The following BOC variants were observed in gnomAD, a reference collection of about 807,000 sequenced individuals.
BOC encodes brother of CDO.
In BOC, 76 loss-of-function variants were observed where a neutral mutation model predicts 112.0. That is an observed-to-expected ratio of 0.68 (90% CI 0.56 to 0.82). The LOEUF is 0.82. BOC is among the 40% of genes least tolerant of loss of function. The pLI is 0.00. For missense variants in BOC, 1,309 were observed against 1,511.7 expected, an observed-to-expected ratio of 0.87 and a Z score of 2.22; for synonymous variants, 580 against 599.8, an observed-to-expected ratio of 0.97 and a Z score of 0.48.
intron 2 of BOC, among the ~76,000 whole-genome samples, 198 bp from the exon 3 acceptor site, chr3:113,249,524 G>A (rs993033453): frequency 1.3e-5 from 2 of 152,172 alleles, no homozygotes; most frequent in African/African-American, 4.8e-5. Flanking sequence ...AAGAGCCCTA[G>A]GGGGCAACTT....
At chr3:113,265,868 G>A (rs527726588) in intron 4 of BOC, among the ~76,000 whole-genome samples, 121 of 152,368 alleles carry the variant, frequency 7.9e-4, no homozygotes, top group African/African-American at 2.7e-3. Context: ...CCATCAAGCT[G>A]GCCTTGGGCT....
chr3:113,278,062 GATGCCGGTCTTT>G lies in BOC; in HGVS notation c.1543-30_1543-19del. The stretch of plus-strand genomic sequence containing the variant: ...TAGCCCACTCGTAGCCCGAGGCTGA[GATGCCGGTCTTT>G]ATACCAGCTACCTTCTCCAGCAGGT... On this transcript the variant is annotated intron_variant, in intron 9 of 19. Transcript: ENST00000682979. This position sits in a 1 kb window ranked among gnomAD's most constrained non-coding sequence, Gnocchi z 4.2. 6.2e-7 allele frequency: 1 copy of G among 1,612,938 alleles called. No homozygotes were observed.
intron 6 of BOC, 177 bp downstream of exon 6, chr3:113,271,121 G>A (rs544596398): frequency 4.8e-5 from 42 of 875,166 alleles, no homozygotes; most frequent in African/African-American, 1.3e-4. Context: ...CCCTCTGGCC[G>A]GCCTCAGGGC....
chr3:113,260,714 GAACA>G, intron 4 of BOC, among the ~76,000 whole-genome samples: 1 of 111,814 alleles, frequency 8.9e-6, no homozygotes, highest in Non-Finnish European at 2.0e-5. Flanking sequence ...GAACAGAACA[GAACA>G]GAAAGAACAG....
chr3:113,268,983 T>C (rs1947818299), intron 5 of BOC, among the ~76,000 whole-genome samples: 1 of 152,210 alleles, frequency 6.6e-6, no homozygotes, highest in Non-Finnish European at 1.5e-5. Flanking sequence ...ATGAGGAATT[T>C]CTTTATCCTT....
chr3:113,266,426 G>A (rs1227177894), intron 4 of BOC, among the ~76,000 whole-genome samples: 1 of 152,112 alleles, frequency 6.6e-6, no homozygotes, highest in Non-Finnish European at 1.5e-5. Context: ...CCCACATAAC[G>A]TCTCAAGAAA....
intron 2 of BOC, among the ~76,000 whole-genome samples, chr3:113,234,381 A>G (rs896695969): frequency 2.8e-4 from 43 of 152,218 alleles, no homozygotes; most frequent in African/African-American, 9.6e-4. Context: ...GGGCATGTGC[A>G]CACATGTGTG....
intron 16 of BOC, 86 bp from the exon 17 acceptor site, chr3:113,284,249 G>A (rs1484612415): frequency 2.6e-6 from 3 of 1,138,996 alleles, no homozygotes; most frequent in African/African-American, 1.5e-5. Flanking sequence ...CTGTGGCCAG[G>A]AGCCTCCTGA....
At chr3:113,216,357 A>G (rs1009874629) in intron 2 of BOC, 83 bp downstream of exon 2, 16 of 439,352 alleles carry the variant, frequency 3.6e-5, no homozygotes, top group Non-Finnish European at 5.5e-5. Flanking sequence ...CCACTTAGAG[A>G]TAGTTTTTCT....
intron 2 of BOC, among the ~76,000 whole-genome samples, chr3:113,236,201 G>A (rs1277258716): frequency 9.2e-6 from 1 of 108,674 alleles, no homozygotes; most frequent in African/African-American, 3.2e-5. Context: ...AAGAAAATAT[G>A]GTATATATAT....
chr3:113,233,316 A>G (rs1331333813), intron 2 of BOC, among the ~76,000 whole-genome samples: 2 of 151,806 alleles, frequency 1.3e-5, no homozygotes, highest in African/African-American at 4.8e-5. Flanking sequence ...ACCTATTTTG[A>G]GTCATGTGGA....
rs1947739279 is a variant in BOC, at chr3:113,268,327, G to T, written c.405G>T (p.Gln135His). 6.2e-7 allele frequency: 1 copy of T among 1,613,986 alleles called. No homozygotes were observed. The highest frequency in any genetic ancestry group is 1.7e-5 in the Admixed American group (1 of 59,994). Residue 135 changes from glutamine (Q) to histidine (H), a missense_variant, in exon 5 of 20, where the codon CAG becomes CAT. Coordinates refer to ENST00000682979, the MANE Select transcript of BOC (RefSeq NM_001378074.1). ...TCCAGGACTTCAAGTTAGATGTGCAGCACGTGATTGAAGTGGATGAGGGAA... is the reference window on the plus strand; with the variant it reads ...TCCAGGACTTCAAGTTAGATGTGCATCACGTGATTGAAGTGGATGAGGGAA... ...ANLQDFKLDV[Q>H]HVIEVDEGNT...
intron 1 of BOC, among the ~76,000 whole-genome samples, chr3:113,214,761 AT>A (rs1357053798): frequency 1.4e-5 from 2 of 147,882 alleles, no homozygotes; most frequent in Non-Finnish European, 2.9e-5. Flanking sequence ...TTACTCTAAC[AT>A]ATGTAACTTC....
At chr3:113,241,434 C>G (rs561681118) in intron 2 of BOC, among the ~76,000 whole-genome samples, 1 of 152,080 alleles carries the variant, frequency 6.6e-6, no homozygotes, top group Admixed American at 6.5e-5. Context: ...TCTGCTCTCC[C>G]GGGAACTCCT....
Position 113,287,104 on chromosome 3 carries a change from C to A in BOC, c.*242C>A, listed in dbSNP as rs1000493678. 1 of 533,840 alleles carries A rather than the reference C, an allele frequency of 1.9e-6. No homozygotes were observed. Among genetic ancestry groups the A allele is most frequent in the South Asian group, 1.5e-5 (1 of 65,306 alleles). The allele number at this position is 533,840 out of a possible 1,614,324, so 33.1% of individuals were successfully genotyped here. A position where few individuals can be genotyped will look rare whatever the true frequency, so the allele number is the denominator to read the frequency against. ...TAACAGGAGTCACCCAGGAAAGCAC[C>A]GCACAGGCTGGCGCGGGACAGACTC... On this transcript the variant is annotated 3_prime_UTR_variant, in exon 20 of 20. Coordinates refer to ENST00000682979, the MANE Select transcript of BOC (RefSeq NM_001378074.1).
intron 2 of BOC, among the ~76,000 whole-genome samples, chr3:113,224,302 C>T (rs1941275003): frequency 6.6e-6 from 1 of 152,124 alleles, no homozygotes; most frequent in South Asian, 2.1e-4. Context: ...GGAGGAAGAC[C>T]AGTAAGGCAT....
At chr3:113,258,045 A>G (rs1409497748) in intron 4 of BOC, among the ~76,000 whole-genome samples, 1 of 152,214 alleles carries the variant, frequency 6.6e-6, no homozygotes, top group East Asian at 1.9e-4. Context: ...GCCCGCCAGA[A>G]ATGTGAACAG....
Position 113,280,663 on chromosome 3 carries a change from G to A in BOC, c.2311G>A (p.Gly771Arg). ...DSDYKKDMVE[G>R]DKYWHSISHL... is the part of the protein sequence containing the mutation. ...TGACTACAAGAAGGATATGGTGGAAGGTGAGACACAGTTCTGTGTTTATAG... is the reference window on the plus strand; with the variant it reads ...TGACTACAAGAAGGATATGGTGGAAAGTGAGACACAGTTCTGTGTTTATAG... The change falls in exon 14 of 20, where the codon GGG (glycine) becomes AGG (arginine). Residue 771 changes from glycine (G) to arginine (R), a missense_variant and splice_region_variant. By Grantham distance (125) the Gly-to-Arg change is moderately radical (BLOSUM62 -2). Transcript: ENST00000682979. 1 of 1,588,124 alleles carries A rather than the reference G, an allele frequency of 6.3e-7. No homozygotes were observed. Among genetic ancestry groups the A allele is most frequent in the Non-Finnish European group, 8.6e-7 (1 of 1,156,356 alleles).
At chr3:113,280,942 C>T (rs1949135157) in intron 14 of BOC, 89 bp from the exon 15 acceptor site, 4 of 1,547,224 alleles carry the variant, frequency 2.6e-6, no homozygotes, top group South Asian at 1.2e-5. Context: ...CTCCCCCACA[C>T]ACTGCCCCAG....
Sources: gnomAD v4.1 joint callset for allele counts (sites outside exome capture counted in the v4.1 genomes callset) on GRCh38, gnomAD v4.1.1 for gene constraint, Gnocchi (gnomAD v3.1) non-coding constraint, MANE v1.5 for transcripts, NCBI Gene and HGNC (gene_info 2026-07-23, HGNC 2026-07-21) for gene names.